The following IGSF3 variants were observed in gnomAD, a reference collection of about 807,000 sequenced individuals.
IGSF3 encodes glu-Trp-Ile EWI motif-containing protein 3.
IGSF3 carries 23 observed loss-of-function variants against 114.4 expected under a neutral mutation model. The ratio of observed to expected loss-of-function variants is 0.20; its 90% confidence interval spans 0.14 to 0.28. The LOEUF is 0.28. IGSF3 is among the 10% of genes least tolerant of loss of function. The pLI, the probability that IGSF3 is intolerant of heterozygous loss-of-function variation, is 1.00. For missense variants in IGSF3, 1,172 were observed against 1,591.5 expected (o/e 0.74, Z 4.48); for synonymous variants, 571 against 645.2 (o/e 0.88, Z 1.74).
rs1648789383 is a variant in IGSF3, at chr1:116,655,030, A to G, written c.43+11254T>C. On this transcript the variant is annotated intron_variant, in intron 2 of 10. Transcript: ENST00000369486. This position sits in a 1 kb window ranked among gnomAD's most constrained non-coding sequence, Gnocchi z 4.3. ...AAAGAGGTTAAGTAATGGCAAGAAA[A>G]AAGATGTACCTTAGGAATAAAAAAG... 6.6e-6 allele frequency among the ~76,000 whole-genome samples: 1 copy of G among 152,226 alleles called. No homozygotes were observed. Among genetic ancestry groups the G allele is most frequent in the Non-Finnish European group, 1.5e-5 (1 of 68,046 alleles).
intron 2 of IGSF3, among the ~76,000 whole-genome samples, chr1:116,640,144 C>G (rs568239108): frequency 6.6e-6 from 1 of 151,858 alleles, no homozygotes; most frequent in African/African-American, 2.4e-5. Context: ...TAGCTCCAGT[C>G]AAGAAAATGA....
intron 2 of IGSF3, among the ~76,000 whole-genome samples, chr1:116,646,705 C>T (rs1040068227): frequency 2.6e-5 from 4 of 152,166 alleles, no homozygotes; most frequent in African/African-American, 4.8e-5. Context: ...GGAACAAAGC[C>T]GGGGTCCCTC....
intron 2 of IGSF3, among the ~76,000 whole-genome samples, chr1:116,620,725 T>C (rs1661389224): frequency 6.6e-6 from 1 of 152,208 alleles, no homozygotes; most frequent in African/African-American, 2.4e-5. Flanking sequence ...AGCCTTCAGA[T>C]AATGTCAACC....
Position 116,593,350 on chromosome 1 carries a change from C to T in IGSF3, c.2030-4246G>A, listed in dbSNP as rs1660202735. ...GGTGGTTTCTGTGCAGTGCTGTGAG[C>T]AGCAGCCAGAGTGGCACGTGCAAAG... On this transcript the variant is annotated intron_variant, in intron 7 of 10. Transcript: ENST00000369486. This position sits in a 1 kb window ranked among gnomAD's most constrained non-coding sequence, Gnocchi z 4.5. 6.6e-6 allele frequency among the ~76,000 whole-genome samples: 1 copy of T among 152,226 alleles called. No homozygotes were observed. The highest frequency in any genetic ancestry group is 1.5e-5 in the Non-Finnish European group (1 of 68,048).
rs1223380019 is a variant in IGSF3 at position 116,650,327 on chromosome 1, T to C, written c.43+15957A>G. ...GGCCTCAACAAACCTGCTTTCCTCA[T>C]TGCAACAAGATGGCTGCTTCATGTC... is the stretch of plus-strand genomic sequence containing the variant. On this transcript the variant is annotated intron_variant, in intron 2 of 10. Transcript: ENST00000369486. This position sits in a 1 kb window ranked among gnomAD's most constrained non-coding sequence, Gnocchi z 5.0. Among the ~76,000 whole-genome samples, 1 of 152,202 alleles carries C rather than the reference T, an allele frequency of 6.6e-6. No individual in the cohort carries two copies. The highest frequency in any genetic ancestry group is 2.4e-5 in the African/African-American group (1 of 41,454).
rs536419481 is a variant in IGSF3 at position 116,585,361 on chromosome 1, G to A, written c.2441-309C>T. On this transcript the variant is annotated intron_variant, in intron 8 of 10. Transcript: ENST00000369486. This position sits in a 1 kb window ranked among gnomAD's most constrained non-coding sequence, Gnocchi z 4.9. ...AGAGACTGCACATCCAAATGACAACGGACCACAAAACATGTCGCTGGCCGG... is the reference window on the plus strand; with the variant it reads ...AGAGACTGCACATCCAAATGACAACAGACCACAAAACATGTCGCTGGCCGG... Among the ~76,000 whole-genome samples the A allele has an allele frequency of 7.9e-5, 12 of 152,250 alleles. No individual in the cohort carries two copies. In the South Asian group the frequency reaches 1.9e-3, roughly 24 times the overall value.
rs1317764484 is a variant in IGSF3 at position 116,592,513 on chromosome 1, T to C, written c.2030-3409A>G. On this transcript the variant is annotated intron_variant, in intron 7 of 10. Coordinates refer to ENST00000369486, the MANE Select transcript of IGSF3 (RefSeq NM_001007237.3). This position sits in a 1 kb window ranked among gnomAD's most constrained non-coding sequence, Gnocchi z 4.5. ...TAAAACTTGGAAGATCTGTGTTTTG[T>C]ATGGTAGGAGAGGCTGTTGTGTTTG... 6.6e-6 allele frequency among the ~76,000 whole-genome samples: 1 copy of C among 152,122 alleles called. No homozygotes were observed. Among genetic ancestry groups the C allele is most frequent in the Non-Finnish European group, 1.5e-5 (1 of 68,018 alleles).
intron 7 of IGSF3, among the ~76,000 whole-genome samples, chr1:116,590,072 AG>A (rs2101366042): frequency 6.6e-6 from 1 of 151,604 alleles, no homozygotes; most frequent in South Asian, 2.1e-4. Context: ...GCGGGGGGAG[AG>A]GGGGCTTCCT....
At position 116,613,871 on chromosome 1, in the gene IGSF3, G is replaced by A. The variant is rs780772379; in HGVS notation, c.726C>T (p.Gly242=). Residue 242 remains glycine (G), a synonymous_variant, in exon 4 of 11, where the codon GGC becomes GGT. Transcript: ENST00000369486. The part of the protein sequence containing the change: ...TIFHLQPSDQ[G]EFYCEAAEWI... ...ACTCGGCGGCCTCGCAGTAGAATTC[G>A]CCCTGGTCAGAAGGCTGCAGGTGGA... 5 of 1,613,938 alleles carry A rather than the reference G, an allele frequency of 3.1e-6. No individual in the cohort carries two copies. The highest frequency in any genetic ancestry group is 2.2e-5 in the South Asian group (2 of 91,072).
In IGSF3 at chr1:116,632,894, GCATT is replaced by G. The variant is rs1647657479; in HGVS notation, c.44-16441_44-16438del. Among the ~76,000 whole-genome samples, 3 of 152,234 alleles carry G rather than the reference GCATT, an allele frequency of 2.0e-5. No homozygotes were observed. Among genetic ancestry groups the G allele is most frequent in the African/African-American group, 7.2e-5 (3 of 41,460 alleles). On this transcript the variant is annotated intron_variant, in intron 2 of 10. Transcript: ENST00000369486. The surrounding 1 kb of genome is among the most constrained non-coding windows in gnomAD (Gnocchi z 5.1). Reference sequence around the variant, plus strand: ...ACAGTGACATCAGTGTGTTTACCAAGCATTTGATTTACTTGCTCAGGCAAAATTC... The same window carrying G: ...ACAGTGACATCAGTGTGTTTACCAAGTGATTTACTTGCTCAGGCAAAATTC...
At position 116,638,870 on chromosome 1, in the gene IGSF3, T is replaced by A. The variant is rs1217749652; in HGVS notation, c.44-22413A>T. Among the ~76,000 whole-genome samples, 4 of 152,260 alleles carry A rather than the reference T, an allele frequency of 2.6e-5. No homozygotes were observed. Among genetic ancestry groups the A allele is most frequent in the Non-Finnish European group, 2.9e-5 (2 of 68,022 alleles). ...TTCCATCCCCACCTGCAGATGAGTA[T>A]GGCACCCCAAGGTTAAGTATCTGCC... On this transcript the variant is annotated intron_variant, in intron 2 of 10. Transcript: ENST00000369486. The surrounding 1 kb of genome is among the most constrained non-coding windows in gnomAD (Gnocchi z 4.1).
Position 116,616,960 on chromosome 1 carries a change from A to G in IGSF3, c.44-503T>C, listed in dbSNP as rs4044838. Among the ~76,000 whole-genome samples, 4 of 151,932 alleles carry G rather than the reference A, an allele frequency of 2.6e-5. No homozygotes were observed. The highest frequency in any genetic ancestry group is 5.9e-5 in the Non-Finnish European group (4 of 67,966). On this transcript the variant is annotated intron_variant, in intron 2 of 10. Coordinates refer to ENST00000369486, the MANE Select transcript of IGSF3 (RefSeq NM_001007237.3). The surrounding 1 kb of genome is among the most constrained non-coding windows in gnomAD (Gnocchi z 6.6). ...CTTTTTACTGGTGCTGCACCCTTCA[A>G]TTTCCCATGTAGCTGCTCCCCAACA...
In IGSF3 at chr1:116,638,563, G is replaced by A. The variant is rs572810063; in HGVS notation, c.44-22106C>T. ...CCCACCACTCCCTCCAAACATCCCC[G>A]GTACGTCTTACTGGATTTTGCCATT... On this transcript the variant is annotated intron_variant, in intron 2 of 10. Transcript: ENST00000369486. This position sits in a 1 kb window ranked among gnomAD's most constrained non-coding sequence, Gnocchi z 4.1. Among the ~76,000 whole-genome samples, 7 of 152,062 alleles carry A rather than the reference G, an allele frequency of 4.6e-5. No individual in the cohort carries two copies. The highest frequency in any genetic ancestry group is 2.1e-4 in the South Asian group (1 of 4,818).
In IGSF3 at chr1:116,598,739, C is replaced by T. The variant is rs116238864; in HGVS notation, c.2029+1202G>A. ...TGCCTGCACAGGTGTCTGTTCCAGCCGAGGCATGGGCTGGGCGAGGGAAGG... is the reference window on the plus strand; with the variant it reads ...TGCCTGCACAGGTGTCTGTTCCAGCTGAGGCATGGGCTGGGCGAGGGAAGG... On this transcript the variant is annotated intron_variant, in intron 7 of 10. Transcript: ENST00000369486. This position sits in a 1 kb window ranked among gnomAD's most constrained non-coding sequence, Gnocchi z 4.3. Among the ~76,000 whole-genome samples, 2,958 of 152,176 alleles carry T rather than the reference C, an allele frequency of 0.019. 95 individuals are homozygous for T. Among genetic ancestry groups the T allele is most frequent in the African/African-American group, 0.068 (2,842 of 41,496 alleles).
chr1:116,606,261 G>A (rs1222716351), intron 5 of IGSF3, among the ~76,000 whole-genome samples: 2 of 152,256 alleles, frequency 1.3e-5, no homozygotes, highest in African/African-American at 4.8e-5. Flanking sequence ...TGCAATGCAA[G>A]CTCAACCACT....
intron 7 of IGSF3, among the ~76,000 whole-genome samples, chr1:116,597,691 C>A (rs993246592): frequency 6.6e-6 from 1 of 152,254 alleles, no homozygotes; most frequent in Non-Finnish European, 1.5e-5. Context: ...AAGACGACCT[C>A]AGAGCAGATC....
Position 116,575,618 on chromosome 1 carries a change from A to G in IGSF3, c.*1694T>C, listed in dbSNP as rs1446333057. On this transcript the variant is annotated 3_prime_UTR_variant, in exon 11 of 11. Transcript: ENST00000369486. The surrounding 1 kb of genome is among the most constrained non-coding windows in gnomAD (Gnocchi z 5.6). ...AGACTTAGTTCCAGAATCCCTGATG[A>G]CTTTTTCCAAACTGTGACCCCCTCT... The G allele has an allele frequency of 6.6e-6, 1 of 152,242 alleles. No individual in the cohort carries two copies. The highest frequency in any genetic ancestry group is 1.5e-5 in the Non-Finnish European group (1 of 68,048). The allele number at this position is 152,242 out of a possible 1,614,324, so 9.4% of individuals were successfully genotyped here. A position where few individuals can be genotyped will look rare whatever the true frequency, so the allele number is the denominator to read the frequency against.
rs1003557867 is a variant in IGSF3 at position 116,651,141 on chromosome 1, A to C, written c.43+15143T>G. Among the ~76,000 whole-genome samples, 15 of 152,242 alleles carry C rather than the reference A, an allele frequency of 9.9e-5. No individual in the cohort carries two copies. The highest frequency in any genetic ancestry group is 3.4e-4 in the African/African-American group (14 of 41,466). Reference sequence around the variant, plus strand: ...AACTGAGCACATCACAGACTCACACAAATCTGTGGAATGAGTGCATGATCT... The same window carrying C: ...AACTGAGCACATCACAGACTCACACCAATCTGTGGAATGAGTGCATGATCT... On this transcript the variant is annotated intron_variant, in intron 2 of 10. Coordinates refer to ENST00000369486, the MANE Select transcript of IGSF3 (RefSeq NM_001007237.3). This position sits in a 1 kb window ranked among gnomAD's most constrained non-coding sequence, Gnocchi z 4.4.
rs1648418114 is a variant in IGSF3, at chr1:116,647,184, A to C, written c.43+19100T>G. 6.6e-6 allele frequency among the ~76,000 whole-genome samples: 1 copy of C among 152,202 alleles called. No homozygotes were observed. The highest frequency in any genetic ancestry group is 1.5e-5 in the Non-Finnish European group (1 of 68,038). ...GGAGAGACCCAGGCAGCGATGCCCA[A>C]ATGACCGGCTGAGGAATCACCTCAC... On this transcript the variant is annotated intron_variant, in intron 2 of 10. Transcript: ENST00000369486. This position sits in a 1 kb window ranked among gnomAD's most constrained non-coding sequence, Gnocchi z 4.6.
Sources: allele counts gnomAD v4.1 joint callset (sites outside exome capture counted in the v4.1 genomes callset), GRCh38; gene constraint gnomAD v4.1.1; non-coding constraint Gnocchi (gnomAD v3.1); transcripts MANE v1.5; gene names NCBI Gene and HGNC (gene_info 2026-07-23, HGNC 2026-07-21).